CNTN5: variants seen among roughly 807,000 people sequenced by gnomAD.
CNTN5 encodes contactin 5.
A neutral mutation model predicts 129.1 loss-of-function variants in CNTN5; 77 were observed. That is an observed-to-expected ratio of 0.60 (90% CI 0.50 to 0.72). The LOEUF (loss-of-function observed/expected upper bound fraction) is 0.72, where lower values mean the gene tolerates loss of function less well. Among genes scored for constraint, CNTN5 ranks in the 30% least tolerant of loss-of-function variants. The pLI, the probability that CNTN5 is intolerant of heterozygous loss-of-function variation, is 0.00. For synonymous variants in CNTN5, 509 were observed against 465.6 expected (o/e 1.09, Z -1.20); for missense variants, 1,478 against 1,328.8 (o/e 1.11, Z -1.75).
Position 99,213,483 on chromosome 11 carries a change from CATAT to C in CNTN5, c.-209-111851_-209-111848del, listed in dbSNP as rs35627812. On this transcript the variant is annotated intron_variant, in intron 1 of 24. Coordinates refer to ENST00000524871, the MANE Select transcript of CNTN5 (RefSeq NM_014361.4). ...ATATATACGTGTGTATATATACACA[CATAT>C]ATATATATATACACATATATATTTC... 1.4e-4 allele frequency among the ~76,000 whole-genome samples: 19 copies of C among 136,574 alleles called. 1 individual carries two copies. The highest frequency in any genetic ancestry group is 1.3e-3 in the Admixed American group (17 of 13,338). 89.6% of individuals were successfully genotyped at this position (136,574 alleles called of 152,430 possible). A position where few individuals can be genotyped will look rare whatever the true frequency, so the allele number is the denominator to read the frequency against.
intron 2 of CNTN5, among the ~76,000 whole-genome samples, chr11:99,518,916 T>C (rs1165616483): frequency 6.6e-6 from 1 of 152,098 alleles, no homozygotes; most frequent in Non-Finnish European, 1.5e-5. Flanking sequence ...TTGTATTAAA[T>C]GCATCCATTC....
rs200155210 is a variant in CNTN5, at chr11:100,071,810, G to A, written c.1405G>A (p.Ala469Thr). The change falls in exon 12 of 25, where the codon GCT becomes ACT. Residue 469 changes from alanine (A) to threonine (T), a missense_variant. Physicochemically the swap from Ala to Thr is moderately conservative, Grantham distance 58 (BLOSUM62 0). Coordinates refer to ENST00000524871, the MANE Select transcript of CNTN5 (RefSeq NM_014361.4). ...TGAAAATAAGTATGGAGCCATTTAC[G>A]CTAGTGCTGAGCTGAAGATTCTAGG... ...LAENKYGAIY[A>T]SAELKILASA... The A allele has an allele frequency of 1.6e-5, 25 of 1,604,454 alleles. 1 individual carries two copies. Among genetic ancestry groups the A allele is most frequent in the Admixed American group, 1.4e-4 (8 of 58,080 alleles).
At chr11:100,216,708 A>G (rs1483486553) in intron 15 of CNTN5, among the ~76,000 whole-genome samples, 1 of 152,174 alleles carries the variant, frequency 6.6e-6, no homozygotes, top group African/African-American at 2.4e-5. Flanking sequence ...GCGGTTGATG[A>G]AAACAGTCAT....
chr11:99,209,521 CACTA>C (rs1276208692), intron 1 of CNTN5, among the ~76,000 whole-genome samples: 1 of 152,120 alleles, frequency 6.6e-6, no homozygotes, highest in African/African-American at 2.4e-5. Context: ...AAGGGGATGA[CACTA>C]AGTCATTCAT....
At chr11:99,281,205 G>A (rs924848180) in intron 1 of CNTN5, among the ~76,000 whole-genome samples, 1 of 151,858 alleles carries the variant, frequency 6.6e-6, no homozygotes, top group East Asian at 1.9e-4. Flanking sequence ...GGAATAGAAT[G>A]ATCAGAGTTT....
intron 3 of CNTN5, among the ~76,000 whole-genome samples, chr11:99,799,082 A>G (rs1163008145): frequency 6.6e-6 from 1 of 152,110 alleles, no homozygotes; most frequent in African/African-American, 2.4e-5. Context: ...ATTAGTATAT[A>G]GAAATGTTAC....
At chr11:100,242,587 G>A (rs1949764426) in intron 16 of CNTN5, among the ~76,000 whole-genome samples, 1 of 152,180 alleles carries the variant, frequency 6.6e-6, no homozygotes, top group Non-Finnish European at 1.5e-5. Flanking sequence ...GTAAGAGAGT[G>A]ATGGCGGTGC....
intron 2 of CNTN5, among the ~76,000 whole-genome samples, chr11:99,531,324 A>T (rs543566790): frequency 6.6e-6 from 1 of 152,352 alleles, no homozygotes; most frequent in East Asian, 1.9e-4. Context: ...TTTAAGCAGC[A>T]AAGCTTTCAA....
chr11:99,947,196 TG>T (rs917454079), intron 7 of CNTN5, among the ~76,000 whole-genome samples: 4 of 150,872 alleles, frequency 2.7e-5, no homozygotes, highest in African/African-American at 9.7e-5. Context: ...TAGCATAACT[TG>T]TACCAATTTT....
intron 8 of CNTN5, among the ~76,000 whole-genome samples, chr11:99,988,033 A>G (rs1430498011): frequency 6.6e-6 from 1 of 152,200 alleles, no homozygotes; most frequent in Admixed American, 6.5e-5. Context: ...CCTGTGATGA[A>G]GCTATGATAA....
chr11:99,857,024 A>G (rs1306666397), intron 6 of CNTN5, among the ~76,000 whole-genome samples: 2 of 112,808 alleles, frequency 1.8e-5, no homozygotes, highest in Admixed American at 8.9e-5. Context: ...CTCTCTATCT[A>G]TCTCTATCTC....
chr11:99,819,225 C>T (rs535839664), intron 3 of CNTN5, among the ~76,000 whole-genome samples: 1 of 147,696 alleles, frequency 6.8e-6, no homozygotes, highest in African/African-American at 2.5e-5. Context: ...TTCTTTCCTA[C>T]TTACCTCTCT....
At chr11:99,899,754 AG>A (rs994854199) in intron 6 of CNTN5, among the ~76,000 whole-genome samples, 1 of 152,028 alleles carries the variant, frequency 6.6e-6, no homozygotes, top group African/African-American at 2.4e-5. Flanking sequence ...AGAGTGAGTT[AG>A]GAAGACATTC....
chr11:99,538,932 T>C (rs1947997800), intron 2 of CNTN5, among the ~76,000 whole-genome samples: 3 of 152,130 alleles, frequency 2.0e-5, no homozygotes, highest in African/African-American at 7.2e-5. Flanking sequence ...AGATTTATTT[T>C]ACTTGAAGAA....
intron 6 of CNTN5, among the ~76,000 whole-genome samples, chr11:99,880,067 A>T (rs969363853): frequency 2.0e-4 from 31 of 152,334 alleles, no homozygotes; most frequent in African/African-American, 7.2e-4. Context: ...CTATTCTTGA[A>T]CTAATGCCAG....
chr11:99,304,051 G>A (rs1404840370), intron 1 of CNTN5, among the ~76,000 whole-genome samples: 2 of 152,100 alleles, frequency 1.3e-5, no homozygotes, highest in African/African-American at 4.8e-5. Context: ...TTGTTGTTGG[G>A]AAGTCACGAC....
intron 3 of CNTN5, among the ~76,000 whole-genome samples, chr11:99,657,796 TA>T (rs369358483): frequency 6.6e-6 from 1 of 152,180 alleles, no homozygotes; most frequent in African/African-American, 2.4e-5. Flanking sequence ...CAGGAGAACA[TA>T]AAAAATTCAA....
chr11:99,439,177 A>G (rs991475828), intron 2 of CNTN5, among the ~76,000 whole-genome samples: 3 of 152,088 alleles, frequency 2.0e-5, no homozygotes, highest in Non-Finnish European at 2.9e-5. Flanking sequence ...AACAAATTCT[A>G]TGTAATCAAG....
intron 1 of CNTN5, among the ~76,000 whole-genome samples, chr11:99,171,047 C>T (rs1186892844): frequency 2.0e-5 from 3 of 151,480 alleles, no homozygotes; most frequent in Non-Finnish European, 4.4e-5. Context: ...GACTGCATCA[C>T]ATACACTGAA....
Sources: allele counts gnomAD v4.1 joint callset (sites outside exome capture counted in the v4.1 genomes callset), GRCh38; gene constraint gnomAD v4.1.1; transcripts MANE v1.5; gene names NCBI Gene and HGNC (gene_info 2026-07-23, HGNC 2026-07-21).